ZFHX3: variants seen among roughly 807,000 people sequenced by gnomAD.
ZFHX3 encodes zinc finger homeobox 3.
Under a neutral mutation model 279.1 loss-of-function variants are expected in ZFHX3, and 42 were observed. The ratio of observed to expected loss-of-function variants is 0.15; its 90% CI spans 0.12 to 0.19. The LOEUF is 0.19. Ranked by LOEUF, ZFHX3 falls within the 10% of genes least tolerant of loss-of-function variation. The pLI, the probability that ZFHX3 is intolerant of heterozygous loss-of-function variation, is 1.00. For missense variants in ZFHX3, 4,981 were observed against 4,754.0 expected (o/e 1.05, Z -1.40); for synonymous variants, 2,293 against 1,957.8 (o/e 1.17, Z -4.52).
At chr16:73,864,196 A>G (rs1223348756) in intron 1 of ZFHX3, among the ~76,000 whole-genome samples, 1 of 152,214 alleles carries the variant, frequency 6.6e-6, no homozygotes, top group African/African-American at 2.4e-5. Flanking sequence ...CAGCAAACAC[A>G]GCACAAGGGT....
At chr16:73,890,427 C>A (rs2030496008) in intron 1 of ZFHX3, among the ~76,000 whole-genome samples, 1 of 152,222 alleles carries the variant, frequency 6.6e-6, no homozygotes, top group East Asian at 1.9e-4. Context: ...AGCAATCATT[C>A]TCGTTTGGTT....
intron 1 of ZFHX3, among the ~76,000 whole-genome samples, chr16:73,002,717 G>A (rs1963545635): frequency 6.6e-6 from 1 of 152,152 alleles, no homozygotes; most frequent in South Asian, 2.1e-4. Context: ...ATTTTGTGAA[G>A]CATCTTTGCT....
At chr16:73,880,680 T>A (rs531100397) in intron 1 of ZFHX3, among the ~76,000 whole-genome samples, 2 of 152,306 alleles carry the variant, frequency 1.3e-5, no homozygotes, top group South Asian at 2.1e-4. Flanking sequence ...CCAGAAGGTG[T>A]GTGCAGTCTC....
chr16:73,357,030 G>A (rs2016353920), intron 3 of ZFHX3, among the ~76,000 whole-genome samples: 1 of 151,782 alleles, frequency 6.6e-6, no homozygotes, highest in Non-Finnish European at 1.5e-5. Flanking sequence ...GCTCCAATTG[G>A]CCATGGTGGA....
At chr16:73,150,368 T>C (rs67701066) in intron 5 of ZFHX3, among the ~76,000 whole-genome samples, 32,591 of 152,008 alleles carry the variant, frequency 0.21, 4,619 homozygotes, top group Middle Eastern at 0.37. Flanking sequence ...GTCCTGCTCC[T>C]GCCCCTTCCC....
chr16:73,363,924 G>A (rs2016481039), intron 3 of ZFHX3, among the ~76,000 whole-genome samples: 2 of 152,138 alleles, frequency 1.3e-5, no homozygotes, highest in South Asian at 4.1e-4. Context: ...TGTAATCCCC[G>A]CACTTTGGGA....
chr16:73,689,805 T>TG (rs1441193898), intron 1 of ZFHX3, among the ~76,000 whole-genome samples: 8 of 148,252 alleles, frequency 5.4e-5, no homozygotes, highest in South Asian at 2.1e-4. Flanking sequence ...GACATACAGT[T>TG]TTTTGTTTTT....
At chr16:73,184,215 A>C (rs1967863100) in intron 5 of ZFHX3, among the ~76,000 whole-genome samples, 1 of 152,076 alleles carries the variant, frequency 6.6e-6, no homozygotes, top group African/African-American at 2.4e-5. Flanking sequence ...CAGTGGTGTC[A>C]CCAGTGTTTC....
At chr16:73,771,736 C>T (rs1597107661) in intron 1 of ZFHX3, among the ~76,000 whole-genome samples, 1 of 151,624 alleles carries the variant, frequency 6.6e-6, no homozygotes, top group East Asian at 1.9e-4. Context: ...TGCTCACTGT[C>T]CAGTCCTTAT....
At chr16:72,993,544 C>T (rs143934342) in intron 1 of ZFHX3, among the ~76,000 whole-genome samples, 201 of 152,276 alleles carry the variant, frequency 1.3e-3, no homozygotes, top group African/African-American at 4.5e-3. Context: ...CATTGTCAGA[C>T]GAAAAGAATC....
chr16:73,540,557 AAG>A (rs2019993489), intron 2 of ZFHX3, among the ~76,000 whole-genome samples: 1 of 152,246 alleles, frequency 6.6e-6, no homozygotes, highest in African/African-American at 2.4e-5. Context: ...GAAGAGGATC[AAG>A]AGTTATTTTC....
intron 2 of ZFHX3, among the ~76,000 whole-genome samples, chr16:73,605,777 C>T (rs1015996327): frequency 1.3e-5 from 2 of 151,938 alleles, no homozygotes; most frequent in African/African-American, 2.4e-5. Flanking sequence ...GGGGCTTTCT[C>T]GGTCTAGGCC....
intron 2 of ZFHX3, among the ~76,000 whole-genome samples, chr16:73,540,216 C>A (rs150134407): frequency 0.019 from 2,874 of 152,266 alleles, 212 homozygotes; most frequent in Admixed American, 0.13. Flanking sequence ...CTTTAGCAGG[C>A]CTTAGGAATA....
intron 2 of ZFHX3, among the ~76,000 whole-genome samples, chr16:73,486,322 A>T (rs2018972965): frequency 6.6e-6 from 1 of 152,248 alleles, no homozygotes; most frequent in South Asian, 2.1e-4. Context: ...TTGAAACACC[A>T]GAAAATTCTG....
chr16:73,026,047 C>A (rs941881404), intron 1 of ZFHX3, among the ~76,000 whole-genome samples: 5 of 151,994 alleles, frequency 3.3e-5, no homozygotes, highest in African/African-American at 1.2e-4. Flanking sequence ...CTCCGATAGG[C>A]TGAAATAGTA....
intron 4 of ZFHX3, among the ~76,000 whole-genome samples, chr16:72,860,976 T>A (rs987480054): frequency 6.6e-6 from 1 of 152,204 alleles, no homozygotes; most frequent in Non-Finnish European, 1.5e-5. Context: ...TTTCCCAAGT[T>A]ACAGACACCA....
chr16:73,835,345 A>C (rs1002384642), intron 1 of ZFHX3, among the ~76,000 whole-genome samples: 1 of 151,876 alleles, frequency 6.6e-6, no homozygotes, highest in African/African-American at 2.4e-5. Flanking sequence ...CCAGGTAGTC[A>C]AGAAAATTAT....
rs563388570 is a variant in ZFHX3, at chr16:73,775,390, C to A, written c.-1607-95150G>T. On this transcript the variant is annotated intron_variant, in intron 1 of 17. Coordinates refer to the ZFHX3 transcript ENST00000641206. The stretch of plus-strand genomic sequence containing the variant: ...TATTCACCTTCTGAATCTTTTAACC[C>A]CACCTCCCTCAGCTGAGAAAAGAAA... Among the ~76,000 whole-genome samples, 4 of 152,220 alleles carry A rather than the reference C, an allele frequency of 2.6e-5. No individual in the cohort carries two copies. In the East Asian group the frequency reaches 5.8e-4, roughly 22 times the overall value.
At chr16:73,335,945 A>G (rs1046522347) in intron 3 of ZFHX3, among the ~76,000 whole-genome samples, 18 of 152,212 alleles carry the variant, frequency 1.2e-4, no homozygotes, top group African/African-American at 4.1e-4. Context: ...CCACATTTCT[A>G]CAAACAGCAC....
Sources: allele counts gnomAD v4.1 joint callset (sites outside exome capture counted in the v4.1 genomes callset), GRCh38; gene constraint gnomAD v4.1.1; transcripts MANE v1.5; gene names NCBI Gene and HGNC (gene_info 2026-07-23, HGNC 2026-07-21).